The following CPT1A variants were observed in gnomAD, a reference collection of about 807,000 sequenced individuals.
CPT1A encodes the protein carnitine palmitoyltransferase 1A.
Under a neutral mutation model 100.8 loss-of-function variants are expected in CPT1A, and 64 were observed. That is an observed-to-expected ratio of 0.63 (90% CI 0.52 to 0.78). CPT1A has a LOEUF of 0.78. CPT1A is among the 30% of genes least tolerant of loss of function. The pLI is 0.00. For missense variants in CPT1A, 802 were observed against 1,034.1 expected (o/e 0.78, Z 3.08); for synonymous variants, 363 against 396.0 (o/e 0.92, Z 0.99).
At chr11:68,807,926 C>T (rs775439726) in intron 3 of CPT1A, among the ~76,000 whole-genome samples, 3 of 152,236 alleles carry the variant, frequency 2.0e-5, no homozygotes, top group South Asian at 2.1e-4. Context: ...CCGATCTGCT[C>T]GGGTGGCCTC....
intron 9 of CPT1A, among the ~76,000 whole-genome samples, chr11:68,790,708 C>T (rs1361397481): frequency 6.6e-6 from 1 of 152,206 alleles, no homozygotes; most frequent in East Asian, 1.9e-4. Context: ...TCATTTATTC[C>T]AGCAGCCCCA....
At chr11:68,802,504 G>T (rs1252491713) in intron 5 of CPT1A, among the ~76,000 whole-genome samples, 1 of 151,654 alleles carries the variant, frequency 6.6e-6, no homozygotes, top group East Asian at 1.9e-4. Flanking sequence ...GGCCGAGGCA[G>T]GCAGATCACG....
chr11:68,827,021 G>A (rs866815545), intron 1 of CPT1A, among the ~76,000 whole-genome samples: 1 of 152,082 alleles, frequency 6.6e-6, no homozygotes, highest in Non-Finnish European at 1.5e-5. Context: ...GGGGTGAGGT[G>A]GGGTGTCCAG....
At chr11:68,828,331 C>A (rs1856787024) in intron 1 of CPT1A, among the ~76,000 whole-genome samples, 2 of 152,260 alleles carry the variant, frequency 1.3e-5, no homozygotes, top group African/African-American at 2.4e-5. Context: ...CACCACTTTG[C>A]AGCCTGTGTT....
At position 68,757,002 on chromosome 11, in the gene CPT1A, A is replaced by C. The variant is rs2153994442; in HGVS notation, c.*642T>G. 1 of 155,368 alleles carries C rather than the reference A, an allele frequency of 6.4e-6. No individual in the cohort carries two copies. Among genetic ancestry groups the C allele is most frequent in the East Asian group, 1.9e-4 (1 of 5,242 alleles). The allele number at this position is 155,368 out of a possible 1,614,324, so 9.6% of individuals were successfully genotyped here. A position where few individuals can be genotyped will look rare whatever the true frequency, so the allele number is the denominator to read the frequency against. ...ATTTAGGGCCTTTCATTTTTAAGGCACTGGGTTGTGAAGACTTGAAGACAT... is the reference window on the plus strand; with the variant it reads ...ATTTAGGGCCTTTCATTTTTAAGGCCCTGGGTTGTGAAGACTTGAAGACAT... On this transcript the variant is annotated 3_prime_UTR_variant, in exon 19 of 19. Coordinates refer to ENST00000265641, the MANE Select transcript of CPT1A (RefSeq NM_001876.4).
intron 6 of CPT1A, among the ~76,000 whole-genome samples, chr11:68,797,715 C>T (rs1407732327): frequency 6.6e-6 from 1 of 152,216 alleles, no homozygotes; most frequent in Non-Finnish European, 1.5e-5. Context: ...CGGTGGCTCA[C>T]GCCTGTCATC....
upstream of CPT1A, among the ~76,000 whole-genome samples, chr11:68,843,853 G>A (rs1566398541): frequency 2.0e-5 from 3 of 152,298 alleles, no homozygotes; most frequent in Non-Finnish European, 2.9e-5. This position sits in a 1 kb window ranked among gnomAD's most constrained non-coding sequence, Gnocchi z 4.0. Flanking sequence ...TTGCACGTGG[G>A]CCTTCGCGGT....
intron 14 of CPT1A, among the ~76,000 whole-genome samples, chr11:68,770,690 T>G (rs1366418936): frequency 6.6e-6 from 1 of 152,216 alleles, no homozygotes; most frequent in Non-Finnish European, 1.5e-5. Context: ...CTGGATTTAC[T>G]GACACAAAAC....
intron 1 of CPT1A, among the ~76,000 whole-genome samples, chr11:68,833,290 A>G (rs1476418923): frequency 6.6e-6 from 1 of 152,242 alleles, no homozygotes; most frequent in African/African-American, 2.4e-5. Context: ...ATGCAGGCAA[A>G]AATTAGCAAT....
At chr11:68,841,942 C>A, upstream of CPT1A, 6 of 985,016 alleles carry the variant, frequency 6.1e-6, no homozygotes, top group Non-Finnish European at 7.2e-6. This position sits in a 1 kb window ranked among gnomAD's most constrained non-coding sequence, Gnocchi z 6.3. Flanking sequence ...GGCTGCGGCG[C>A]CTGCAGGCGG....
intron 1 of CPT1A, among the ~76,000 whole-genome samples, chr11:68,817,603 C>A (rs538350002): frequency 2.1e-3 from 320 of 151,854 alleles, no homozygotes; most frequent in Non-Finnish European, 3.4e-3. Context: ...CAGGCAAGAG[C>A]TGGAGGCAGG....
intron 14 of CPT1A, among the ~76,000 whole-genome samples, chr11:68,769,408 T>G (rs1854921987): frequency 1.3e-5 from 2 of 150,922 alleles, no homozygotes. Context: ...GGCTAATTTT[T>G]TTTTTTTTTT....
chr11:68,767,997 T>C (rs1332869990), intron 14 of CPT1A, among the ~76,000 whole-genome samples: 1 of 150,320 alleles, frequency 6.7e-6, no homozygotes, highest in Non-Finnish European at 1.5e-5. Context: ...CAGGCACGCA[T>C]CTTTAACCTT....
rs1163908647 is a variant in CPT1A at position 68,758,833 on chromosome 11, G to A, written c.2235+736C>T. 4.0e-5 allele frequency among the ~76,000 whole-genome samples: 6 copies of A among 150,828 alleles called. No individual in the cohort carries two copies. In the East Asian group the frequency reaches 9.9e-4, roughly 25 times the overall value. On this transcript the variant is annotated intron_variant, in intron 18 of 18. Transcript: ENST00000265641. Reference sequence around the variant, plus strand: ...GGGTTTCACCATGTTGGCCAGGATGGTTTCAAACTCCTCACCTCAAGTGAT... The same window carrying A: ...GGGTTTCACCATGTTGGCCAGGATGATTTCAAACTCCTCACCTCAAGTGAT...
intron 15 of CPT1A, 41 bp downstream of exon 15, chr11:68,762,584 AGT>A: frequency 6.2e-7 from 1 of 1,610,326 alleles, no homozygotes; most frequent in Non-Finnish European, 8.5e-7. Context: ...CTTTTAGGGA[AGT>A]GTGACAAGCA....
chr11:68,786,945 A>G (rs1308972702), intron 9 of CPT1A, among the ~76,000 whole-genome samples: 3 of 152,198 alleles, frequency 2.0e-5, no homozygotes, highest in Non-Finnish European at 4.4e-5. Context: ...CTTCGCTTTA[A>G]AGTCACAAAC....
intron 3 of CPT1A, 90 bp from the exon 4 acceptor site, chr11:68,807,728 G>A: frequency 7.9e-7 from 1 of 1,259,938 alleles, no homozygotes; most frequent in Non-Finnish European, 1.1e-6. Flanking sequence ...ACCACGTGCT[G>A]CAGGGTCCAG....
intron 1 of CPT1A, among the ~76,000 whole-genome samples, chr11:68,838,439 C>T (rs1165795859): frequency 6.6e-6 from 1 of 151,830 alleles, no homozygotes; most frequent in Non-Finnish European, 1.5e-5. Context: ...AGAAAAAAGT[C>T]CTTACTTGTG....
At chr11:68,824,775 T>C (rs909176981) in intron 1 of CPT1A, among the ~76,000 whole-genome samples, 1 of 150,776 alleles carries the variant, frequency 6.6e-6, no homozygotes, top group Admixed American at 6.8e-5. Flanking sequence ...TCCTAACATA[T>C]TGCTACATGC....
Sources: allele counts gnomAD v4.1 joint callset (sites outside exome capture counted in the v4.1 genomes callset), GRCh38; gene constraint gnomAD v4.1.1; non-coding constraint Gnocchi (gnomAD v3.1); transcripts MANE v1.5; gene names NCBI Gene and HGNC (gene_info 2026-07-23, HGNC 2026-07-21).